Variants in AUTS2 observed in about 807,000 individuals in gnomAD.
The protein encoded by AUTS2 is activator of transcription and developmental regulator AUTS2.
A neutral mutation model predicts 112.4 loss-of-function variants in AUTS2; 17 were observed. The observed-to-expected ratio is 0.15, with a 90% CI of 0.10 to 0.23. The LOEUF (loss-of-function observed/expected upper bound fraction) is 0.23, where lower values mean the gene tolerates loss of function less well. Among genes scored for constraint, AUTS2 ranks in the 10% least tolerant of loss-of-function variants. AUTS2 has a pLI of 1.00. For missense variants in AUTS2, 1,510 were observed against 1,701.6 expected (o/e 0.89, Z 1.98); for synonymous variants, 751 against 702.7 (o/e 1.07, Z -1.09).
intron 5 of AUTS2, among the ~76,000 whole-genome samples, chr7:70,532,937 C>G (rs1340802328): frequency 6.6e-6 from 1 of 152,088 alleles, no homozygotes; most frequent in Non-Finnish European, 1.5e-5. Flanking sequence ...GTTCCTTATC[C>G]TTTGCTTCCA....
intron 5 of AUTS2, among the ~76,000 whole-genome samples, chr7:70,628,296 CT>C (rs1805058577): frequency 6.7e-6 from 1 of 150,142 alleles, no homozygotes. Context: ...GGCTTTGTTC[CT>C]TTTTTAATTT....
intron 2 of AUTS2, among the ~76,000 whole-genome samples, chr7:70,035,926 A>G (rs1038861885): frequency 2.6e-5 from 4 of 152,224 alleles, no homozygotes; most frequent in African/African-American, 4.8e-5. Context: ...ATGTTGAAAA[A>G]TATAGACATG....
chr7:69,826,214 ATAGT>A (rs754218452), intron 1 of AUTS2, among the ~76,000 whole-genome samples: 3 of 152,188 alleles, frequency 2.0e-5, no homozygotes, highest in Non-Finnish European at 2.9e-5. Flanking sequence ...ATAACCCCTT[ATAGT>A]TAGTTAGTTA....
intron 6 of AUTS2, among the ~76,000 whole-genome samples, chr7:70,737,269 A>G (rs928799034): frequency 2.6e-5 from 4 of 152,200 alleles, no homozygotes; most frequent in Non-Finnish European, 4.4e-5. Context: ...AGCAGAGACC[A>G]TGGGCATCAG....
chr7:70,070,662 G>T (rs943691774), intron 2 of AUTS2, among the ~76,000 whole-genome samples: 1 of 152,080 alleles, frequency 6.6e-6, no homozygotes, highest in Non-Finnish European at 1.5e-5. Context: ...TCAAGAGATC[G>T]AGACCATCCA....
At chr7:70,555,846 C>T (rs973951218) in intron 5 of AUTS2, among the ~76,000 whole-genome samples, 2 of 150,816 alleles carry the variant, frequency 1.3e-5, no homozygotes, top group Admixed American at 1.3e-4. Flanking sequence ...CGCTCTGTCG[C>T]CCAGCTGGAG....
chr7:70,659,246 G>A (rs763438183), intron 5 of AUTS2, among the ~76,000 whole-genome samples: 7 of 152,218 alleles, frequency 4.6e-5, no homozygotes, highest in South Asian at 4.1e-4. Flanking sequence ...TCACGCCCAC[G>A]ACTGGCGGTC....
At chr7:70,016,184 C>T (rs1197125696) in intron 2 of AUTS2, among the ~76,000 whole-genome samples, 1 of 152,078 alleles carries the variant, frequency 6.6e-6, no homozygotes, top group African/African-American at 2.4e-5. Context: ...TTTCAGTGGT[C>T]AAGGGAATAT....
At chr7:70,703,504 A>AT (rs1809574627) in intron 6 of AUTS2, among the ~76,000 whole-genome samples, 3 of 151,886 alleles carry the variant, frequency 2.0e-5, no homozygotes, top group African/African-American at 7.2e-5. Context: ...AAAAAAAAAA[A>AT]AAAAAAAAGG....
chr7:70,695,682 C>G (rs892787298), intron 5 of AUTS2, among the ~76,000 whole-genome samples: 6 of 151,922 alleles, frequency 3.9e-5, no homozygotes, highest in Non-Finnish European at 8.8e-5. Flanking sequence ...TATAAGTTTT[C>G]CTTATTCTCC....
intron 1 of AUTS2, among the ~76,000 whole-genome samples, chr7:69,736,067 A>G (rs1787018651): frequency 6.6e-6 from 1 of 152,188 alleles, no homozygotes; most frequent in African/African-American, 2.4e-5. Flanking sequence ...GTGGGCACTC[A>G]GTGAATATTT....
intron 1 of AUTS2, among the ~76,000 whole-genome samples, chr7:69,725,768 C>G (rs1214770191): frequency 6.6e-6 from 1 of 152,156 alleles, no homozygotes; most frequent in Non-Finnish European, 1.5e-5. Context: ...TCCCATATTT[C>G]AGCATCTCCT....
chr7:70,211,362 C>T (rs1488102735), intron 4 of AUTS2, among the ~76,000 whole-genome samples: 1 of 147,888 alleles, frequency 6.8e-6, no homozygotes, highest in Non-Finnish European at 1.5e-5. Context: ...AGAAAAAAGA[C>T]TTTCTGGCCG....
chr7:70,096,304 A>T (rs1432183046), intron 2 of AUTS2, among the ~76,000 whole-genome samples: 1 of 152,158 alleles, frequency 6.6e-6, no homozygotes, highest in African/African-American at 2.4e-5. Context: ...GAATAAAAAA[A>T]TTGTTGAAAA....
intron 2 of AUTS2, among the ~76,000 whole-genome samples, chr7:70,027,076 A>C (rs2129555973): frequency 6.6e-6 from 1 of 152,216 alleles, no homozygotes; most frequent in African/African-American, 2.4e-5. Context: ...GCCCATCTGT[A>C]GGCTAATGTA....
chr7:69,701,274 A>G (rs903616456), intron 1 of AUTS2, among the ~76,000 whole-genome samples: 4 of 152,246 alleles, frequency 2.6e-5, no homozygotes, highest in Non-Finnish European at 5.9e-5. Flanking sequence ...TTCAGAGGCC[A>G]TGCAATAAAA....
rs151263523 is a variant in AUTS2, at chr7:70,769,673, A to G, written c.1734+1605A>G. On this transcript the variant is annotated intron_variant, in intron 10 of 18. Coordinates refer to ENST00000342771, the MANE Select transcript of AUTS2 (RefSeq NM_015570.4). ...GCACTCCTGCCTGGGCGACTGAGCA[A>G]GACTCCATTTCAAAAAATAATAATA... Among the ~76,000 whole-genome samples the G allele has an allele frequency of 5.6e-3, 846 of 152,272 alleles. 13 individuals are homozygous for G. Among genetic ancestry groups the G allele is most frequent in the African/African-American group, 0.019 (800 of 41,530 alleles).
intron 6 of AUTS2, among the ~76,000 whole-genome samples, chr7:70,706,433 GAGGGATCCAC>G (rs1320887891): frequency 7.9e-5 from 12 of 152,336 alleles, no homozygotes; most frequent in South Asian, 6.2e-4. Context: ...CAGAAGAGAA[GAGGGATCCAC>G]AGGGATCCAC....
chr7:69,818,803 A>C (rs1790867033), intron 1 of AUTS2, among the ~76,000 whole-genome samples: 2 of 152,230 alleles, frequency 1.3e-5, no homozygotes, highest in African/African-American at 4.8e-5. Flanking sequence ...TTTCTAGCCG[A>C]GTGGATAGCC....
Sources: allele counts gnomAD v4.1 joint callset (sites outside exome capture counted in the v4.1 genomes callset), GRCh38; gene constraint gnomAD v4.1.1; transcripts MANE v1.5; gene names NCBI Gene and HGNC (gene_info 2026-07-23, HGNC 2026-07-21).